The following OXCT1 variants were observed in gnomAD, a reference collection of about 807,000 sequenced individuals.
OXCT1 encodes 3-oxoacid CoA-transferase 1.
Under a neutral mutation model 69.6 loss-of-function variants are expected in OXCT1, and 27 were observed. The ratio of observed to expected loss-of-function variants is 0.39; its 90% CI spans 0.29 to 0.54. The LOEUF (loss-of-function observed/expected upper bound fraction) is 0.54, where lower values mean the gene tolerates loss of function less well. OXCT1 is among the 20% of genes least tolerant of loss of function. The pLI is 0.72. For synonymous variants in OXCT1, 202 were observed against 217.8 expected (o/e 0.93, Z 0.64); for missense variants, 437 against 650.2 (o/e 0.67, Z 3.57).
At chr5:41,807,542 C>T in intron 7 of OXCT1, 104 bp from the exon 8 acceptor site, 1 of 712,004 alleles carries the variant, frequency 1.4e-6, no homozygotes, top group Non-Finnish European at 2.5e-6. Context: ...AGGCTGCAAA[C>T]ATATGACGGA....
chr5:41,766,032 GAA>G (rs1744580598), intron 13 of OXCT1, among the ~76,000 whole-genome samples: 1 of 152,102 alleles, frequency 6.6e-6, no homozygotes, highest in Non-Finnish European at 1.5e-5. Flanking sequence ...GAGCTTCTGG[GAA>G]TGATTGAAGC....
chr5:41,828,958 G>A (rs1255138599), intron 7 of OXCT1, among the ~76,000 whole-genome samples: 1 of 152,088 alleles, frequency 6.6e-6, no homozygotes, highest in Non-Finnish European at 1.5e-5. Context: ...TATAAAAACA[G>A]GCCGTGGGCT....
At chr5:41,772,236 C>G (rs1744901709) in intron 13 of OXCT1, among the ~76,000 whole-genome samples, 1 of 151,916 alleles carries the variant, frequency 6.6e-6, no homozygotes, top group African/African-American at 2.4e-5. Context: ...GGAATGAGAA[C>G]TAGAACCATG....
intron 4 of OXCT1, among the ~76,000 whole-genome samples, chr5:41,852,993 C>T (rs1303212411): frequency 6.6e-6 from 1 of 151,990 alleles, no homozygotes; most frequent in Non-Finnish European, 1.5e-5. Context: ...ATTGCTTGAA[C>T]TCGGGAGGTG....
At chr5:41,866,279 G>A (rs1456180206) in intron 1 of OXCT1, among the ~76,000 whole-genome samples, 3 of 152,172 alleles carry the variant, frequency 2.0e-5, no homozygotes, top group Non-Finnish European at 4.4e-5. Flanking sequence ...TACAAAGAAT[G>A]TTTTTAAACA....
intron 15 of OXCT1, among the ~76,000 whole-genome samples, chr5:41,747,024 A>C (rs1743527482): frequency 6.6e-6 from 1 of 152,104 alleles, no homozygotes; most frequent in Non-Finnish European, 1.5e-5. Flanking sequence ...CTTCTGCCTT[A>C]TCTCTTTTCT....
chr5:41,761,067 A>C (rs1033180044), intron 14 of OXCT1, among the ~76,000 whole-genome samples: 3 of 152,144 alleles, frequency 2.0e-5, no homozygotes, highest in Admixed American at 2.0e-4. Context: ...AAAACTAAGA[A>C]TGATAAAGAA....
chr5:41,747,266 T>C (rs1424738437), intron 15 of OXCT1, among the ~76,000 whole-genome samples: 2 of 152,118 alleles, frequency 1.3e-5, no homozygotes, highest in Non-Finnish European at 2.9e-5. Flanking sequence ...TTGCAGGTTA[T>C]AGGACAAGCC....
At chr5:41,794,777 A>G (rs774608468) in intron 11 of OXCT1, 28 bp from the exon 12 acceptor site, 8 of 1,605,438 alleles carry the variant, frequency 5.0e-6, no homozygotes, top group Non-Finnish European at 6.8e-6. Flanking sequence ...CAAAAGAAAG[A>G]AAAGGCTATT....
intron 13 of OXCT1, among the ~76,000 whole-genome samples, chr5:41,764,863 G>T (rs936840442): frequency 2.0e-5 from 3 of 152,164 alleles, no homozygotes; most frequent in African/African-American, 7.2e-5. Context: ...CCATTAGGTG[G>T]TAAGAGCAAT....
At chr5:41,732,461 G>A (rs1414790814) in intron 16 of OXCT1, among the ~76,000 whole-genome samples, 2 of 152,120 alleles carry the variant, frequency 1.3e-5, no homozygotes, top group African/African-American at 4.8e-5. Flanking sequence ...AGGTAGAGCC[G>A]GTTGCAGGAG....
At chr5:41,794,836 C>T (rs1746099522) in intron 11 of OXCT1, 87 bp from the exon 12 acceptor site, 1 of 1,421,306 alleles carries the variant, frequency 7.0e-7, no homozygotes, top group East Asian at 2.3e-5. Flanking sequence ...CTTCTCCATT[C>T]CCAAAAGAAC....
At chr5:41,774,405 G>A (rs1269596171) in intron 13 of OXCT1, among the ~76,000 whole-genome samples, 1 of 152,150 alleles carries the variant, frequency 6.6e-6, no homozygotes, top group African/African-American at 2.4e-5. Context: ...TCTATATGTC[G>A]TTCTCTTATT....
Position 41,731,537 on chromosome 5 carries a change from C to A in OXCT1, c.*192G>T. 1.1e-6 allele frequency: 1 copy of A among 944,350 alleles called. No individual in the cohort carries two copies. 58.5% of individuals were successfully genotyped at this position (944,350 alleles called of 1,614,324 possible). On this transcript the variant is annotated 3_prime_UTR_variant, in exon 17 of 17. Coordinates refer to ENST00000196371, the MANE Select transcript of OXCT1 (RefSeq NM_000436.4). The stretch of plus-strand genomic sequence containing the variant: ...TTAACAAATGAGATAATTATAAATG[C>A]TCCTTTTGCTTTTTATTAAAATGTC...
chr5:41,810,086 A>T (rs1016163804), intron 7 of OXCT1, among the ~76,000 whole-genome samples: 2 of 144,708 alleles, frequency 1.4e-5, no homozygotes, highest in Admixed American at 6.9e-5. Context: ...AAAAGAGTTT[A>T]AAAAAAAAAA....
Position 41,731,778 on chromosome 5 carries a change from A to G in OXCT1, c.1522-8T>C, listed in dbSNP as rs1470673673. 1.2e-6 allele frequency: 2 copies of G among 1,607,040 alleles called. No homozygotes were observed. Among genetic ancestry groups the G allele is most frequent in the South Asian group, 2.2e-5 (2 of 89,650 alleles). On this transcript the variant is annotated splice_polypyrimidine_tract_variant and splice_region_variant and intron_variant, in intron 16 of 16. Transcript: ENST00000196371. ...CATGAGTTTTGGTGAAACCTGGTAA[A>G]AGAGGAAAAAAAAATCAAATTATGA...
At chr5:41,862,892 A>G (rs890620054) in intron 1 of OXCT1, 142 bp from the exon 2 acceptor site, 2 of 623,602 alleles carry the variant, frequency 3.2e-6, no homozygotes, top group Non-Finnish European at 5.9e-6. Context: ...CCAGGTAATA[A>G]CTGTATATAA....
chr5:41,843,846 T>TA (rs1334296934), intron 5 of OXCT1, among the ~76,000 whole-genome samples: 1 of 152,164 alleles, frequency 6.6e-6, no homozygotes, highest in Non-Finnish European at 1.5e-5. Context: ...AGTTGCCTGC[T>TA]AGAAAAAAGA....
chr5:41,850,283 A>C, intron 4 of OXCT1, 104 bp from the exon 5 acceptor site: 1 of 1,281,950 alleles, frequency 7.8e-7, no homozygotes, highest in Non-Finnish European at 1.1e-6. Flanking sequence ...TTATAATTCT[A>C]AAAAGTAGCT....
Sources: allele counts gnomAD v4.1 joint callset (sites outside exome capture counted in the v4.1 genomes callset), GRCh38; gene constraint gnomAD v4.1.1; transcripts MANE v1.5; gene names NCBI Gene and HGNC (gene_info 2026-07-23, HGNC 2026-07-21).